Variants in ABCA13 observed in about 807,000 individuals in gnomAD.
The protein encoded by ABCA13 is ATP-binding cassette sub-family A member 13.
In ABCA13, 476 loss-of-function variants were observed where a neutral mutation model predicts 478.7. The ratio of observed to expected loss-of-function variants is 0.99; its 90% confidence interval spans 0.92 to 1.07. ABCA13 has a LOEUF of 1.07. Ranked by LOEUF, ABCA13 falls within the 50% of genes least tolerant of loss-of-function variation. The pLI is 0.00. For missense variants in ABCA13, 6,060 were observed against 5,910.6 expected (o/e 1.03, Z -0.83); for synonymous variants, 2,252 against 2,158.9 (o/e 1.04, Z -1.20).
At chr7:48,204,182 G>A (rs1258049829) in intron 3 of ABCA13, among the ~76,000 whole-genome samples, 3 of 148,482 alleles carry the variant, frequency 2.0e-5, no homozygotes, top group Admixed American at 6.7e-5. Flanking sequence ...ATGAGATCTC[G>A]GCTCACCCCA....
At position 48,643,393 on chromosome 7, in the gene ABCA13, G is replaced by T. The variant is rs777337643; in HGVS notation, c.14943G>T (p.Lys4981Asn). The T allele has an allele frequency of 5.0e-6, 8 of 1,604,066 alleles. No homozygotes were observed. The highest frequency in any genetic ancestry group is 3.3e-4 in the Middle Eastern group (2 of 6,042). Residue 4981 changes from lysine (K) to asparagine (N), a missense_variant and splice_region_variant, in exon 60 of 62, where the codon AAG becomes AAT. Coordinates refer to ENST00000435803, the MANE Select transcript of ABCA13 (RefSeq NM_152701.5). Reference protein sequence around the residue: ...LKLYFPGIQFKGQHLNLLEYH... With the variant: ...LKLYFPGIQFNGQHLNLLEYH... ...TTTATTTTCCAGGAATTCAGTTCAA[G>T]GTAGTGCTAATATCTTGTATTATTT... is the stretch of plus-strand genomic sequence containing the variant.
intron 43 of ABCA13, 117 bp downstream of exon 43, chr7:48,455,403 A>G: frequency 7.3e-7 from 1 of 1,370,926 alleles, no homozygotes; most frequent in Admixed American, 2.6e-5. Flanking sequence ...TGTTTTCATT[A>G]TTTCCGAGGT....
chr7:48,585,787 A>G (rs999815394), intron 56 of ABCA13, among the ~76,000 whole-genome samples: 6 of 152,194 alleles, frequency 3.9e-5, no homozygotes, highest in Non-Finnish European at 7.3e-5. Flanking sequence ...CTATATGATT[A>G]TATCTAAAAA....
chr7:48,339,637 GAA>G (rs987345163), intron 29 of ABCA13, among the ~76,000 whole-genome samples: 33 of 152,344 alleles, frequency 2.2e-4, no homozygotes, highest in African/African-American at 7.9e-4. Context: ...AAAATTAAGA[GAA>G]AGTTCCCCAG....
chr7:48,595,662 G>C (rs139163650), intron 58 of ABCA13, among the ~76,000 whole-genome samples: 7 of 152,168 alleles, frequency 4.6e-5, no homozygotes, highest in Non-Finnish European at 7.3e-5. Context: ...CTAAACCCCA[G>C]TTTCTATTGG....
intron 48 of ABCA13, among the ~76,000 whole-genome samples, chr7:48,490,347 A>AT (rs1260136574): frequency 1.3e-5 from 2 of 152,226 alleles, no homozygotes; most frequent in African/African-American, 2.4e-5. Context: ...TTTTATGTCA[A>AT]TTTTGTAAGA....
intron 54 of ABCA13, among the ~76,000 whole-genome samples, chr7:48,526,794 C>T (rs561158729): frequency 6.6e-6 from 1 of 152,292 alleles, no homozygotes; most frequent in Admixed American, 6.5e-5. Flanking sequence ...ATTGCCTGAA[C>T]TATCATTGAC....
chr7:48,289,259 A>G (rs1208039940), intron 20 of ABCA13, among the ~76,000 whole-genome samples: 2 of 151,718 alleles, frequency 1.3e-5, no homozygotes, highest in African/African-American at 4.8e-5. Flanking sequence ...CCCCAAATTT[A>G]CATTGATTTT....
At position 48,572,540 on chromosome 7, in the gene ABCA13, G is replaced by A. The variant is rs561644535; in HGVS notation, c.14355-7684G>A. 3.6e-3 allele frequency among the ~76,000 whole-genome samples: 549 copies of A among 151,994 alleles called. 2 individuals carry two copies. The highest frequency in any genetic ancestry group is 6.5e-3 in the Non-Finnish European group (442 of 67,976). On this transcript the variant is annotated intron_variant, in intron 55 of 61. Transcript: ENST00000435803. ...TTTCTTTATACTCTTAGTATATTAT[G>A]TGACATTAAATAATTTTTAAATTTT...
chr7:48,192,933 A>ATT (rs559638720), intron 1 of ABCA13, 26 bp from the exon 2 acceptor site: 3,411 of 1,246,868 alleles, frequency 2.7e-3, no homozygotes, highest in Middle Eastern at 4.1e-3. Context: ...TATTCAGGTG[A>ATT]TTTTTTTTTT....
intron 8 of ABCA13, among the ~76,000 whole-genome samples, chr7:48,238,103 C>T (rs536489926): frequency 6.6e-6 from 1 of 152,304 alleles, no homozygotes; most frequent in South Asian, 2.1e-4. Flanking sequence ...GCTGTTATAA[C>T]AAAAGACCAC....
In ABCA13 at chr7:48,638,479, T is replaced by C. The variant is rs1794860915; in HGVS notation, c.14838-4809T>C. ...GAGGCTGTTTTCAAAGAGGTTTTCTTCTCCAGGAGGAATGTGAGTGCCAGC... is the reference window on the plus strand; with the variant it reads ...GAGGCTGTTTTCAAAGAGGTTTTCTCCTCCAGGAGGAATGTGAGTGCCAGC... On this transcript the variant is annotated intron_variant, in intron 59 of 61. Coordinates refer to ENST00000435803, the MANE Select transcript of ABCA13 (RefSeq NM_152701.5). Among the ~76,000 whole-genome samples, 3 of 152,214 alleles carry C rather than the reference T, an allele frequency of 2.0e-5. No individual in the cohort carries two copies. In the South Asian group the frequency reaches 6.2e-4, roughly 32 times the overall value.
chr7:48,396,922 G>A (rs1005982368), intron 38 of ABCA13, among the ~76,000 whole-genome samples: 2 of 152,160 alleles, frequency 1.3e-5, no homozygotes, highest in African/African-American at 4.8e-5. Flanking sequence ...GATCCTAGAG[G>A]GGCTAAATGA....
chr7:48,361,526 C>T (rs1419007993), intron 31 of ABCA13, among the ~76,000 whole-genome samples: 3 of 151,648 alleles, frequency 2.0e-5, no homozygotes, highest in Non-Finnish European at 4.4e-5. Flanking sequence ...CTAACTTTTT[C>T]TGCTTTTATT....
chr7:48,293,785 C>CTGAT (rs1278042592), intron 20 of ABCA13, among the ~76,000 whole-genome samples: 3 of 151,990 alleles, frequency 2.0e-5, no homozygotes, highest in African/African-American at 7.3e-5. Flanking sequence ...GTTTAAAAAA[C>CTGAT]TGATTGTTTC....
chr7:48,418,717 AT>A (rs1222571254), intron 41 of ABCA13, among the ~76,000 whole-genome samples: 1 of 152,054 alleles, frequency 6.6e-6, no homozygotes, highest in African/African-American at 2.4e-5. Context: ...AATTATCAAT[AT>A]TTTTTCTACT....
chr7:48,506,413 G>A (rs2130861932), intron 49 of ABCA13, 23 bp downstream of exon 49: 2 of 1,612,036 alleles, frequency 1.2e-6, no homozygotes, highest in East Asian at 2.2e-5. Context: ...AATGCTGAGG[G>A]GTGTGTGACC....
At chr7:48,589,058 T>G (rs756755268) in intron 57 of ABCA13, among the ~76,000 whole-genome samples, 2 of 152,216 alleles carry the variant, frequency 1.3e-5, no homozygotes, top group Non-Finnish European at 2.9e-5. Flanking sequence ...TCTTTCTTTA[T>G]GGAAGTTTAT....
At chr7:48,637,595 A>G (rs1176074054) in intron 59 of ABCA13, among the ~76,000 whole-genome samples, 1 of 152,064 alleles carries the variant, frequency 6.6e-6, no homozygotes, top group African/African-American at 2.4e-5. Flanking sequence ...AAGAGGCCAC[A>G]TAAGGGGCTG....
Sources: allele counts gnomAD v4.1 joint callset (sites outside exome capture counted in the v4.1 genomes callset), GRCh38; gene constraint gnomAD v4.1.1; transcripts MANE v1.5; gene names NCBI Gene and HGNC (gene_info 2026-07-23, HGNC 2026-07-21).